The following ANO5 variants were observed in gnomAD, a reference collection of about 807,000 sequenced individuals.
ANO5 encodes anoctamin-5.
A neutral mutation model predicts 121.0 loss-of-function variants in ANO5; 109 were observed. The observed-to-expected ratio is 0.90, with a 90% CI of 0.77 to 1.06. The LOEUF is 1.06. Among genes scored for constraint, ANO5 ranks in the 50% least tolerant of loss-of-function variants. ANO5 has a pLI of 0.00. For synonymous variants in ANO5, 406 were observed against 359.9 expected (o/e 1.13, Z -1.45); for missense variants, 1,064 against 1,078.5 (o/e 0.99, Z 0.19).
At chr11:22,192,981 C>T (rs1037294187), upstream of ANO5, 1 of 985,018 alleles carries the variant, frequency 1.0e-6, no homozygotes, top group African/African-American at 1.7e-5. Context: ...ATGGCGGTCT[C>T]CGAGGGTGGG....
chr11:22,250,315 A>G lies in ANO5; in HGVS notation c.957A>G (p.Val319=), dbSNP rs1205470008. 1 of 1,613,110 alleles carries G rather than the reference A, an allele frequency of 6.2e-7. No individual in the cohort carries two copies. The highest frequency in any genetic ancestry group is 2.2e-5 in the East Asian group (1 of 44,768). ...CAGAAATGCTATTCTTTGCAGCTGT[A>G]GTTGGCTTAGCTTGTTTTATTTATG... ...FYTEMLFFAA[V]VGLACFIYGL... Residue 319 remains valine (V), a synonymous_variant, in exon 10 of 22, where the codon GTA becomes GTG. Coordinates refer to ENST00000324559, the MANE Select transcript of ANO5 (RefSeq NM_213599.3).
chr11:22,243,057 T>C (rs943221976), intron 9 of ANO5, among the ~76,000 whole-genome samples: 12 of 152,110 alleles, frequency 7.9e-5, no homozygotes, highest in Admixed American at 7.2e-4. Context: ...TGGCTCTTAT[T>C]ATTTTGAGGT....
At chr11:22,271,138 C>T (rs1334813054) in intron 18 of ANO5, among the ~76,000 whole-genome samples, 2 of 152,146 alleles carry the variant, frequency 1.3e-5, no homozygotes, top group African/African-American at 2.4e-5. Context: ...CTGCAGCCTC[C>T]GCCTGCTGGG....
At chr11:22,269,553 G>GA (rs913310543) in intron 17 of ANO5, among the ~76,000 whole-genome samples, 1 of 134,398 alleles carries the variant, frequency 7.4e-6, no homozygotes, top group Non-Finnish European at 1.6e-5. Context: ...AGGAAGGAAA[G>GA]AAAAAAAGAA....
intron 21 of ANO5, among the ~76,000 whole-genome samples, chr11:22,276,671 T>C (rs1854864403): frequency 6.6e-6 from 1 of 150,692 alleles, no homozygotes; most frequent in Non-Finnish European, 1.5e-5. Flanking sequence ...CCCAAGCTTA[T>C]GCTCTGTCTA....
chr11:22,203,132 A>C (rs545664269), intron 1 of ANO5, among the ~76,000 whole-genome samples: 12 of 152,264 alleles, frequency 7.9e-5, no homozygotes, highest in South Asian at 4.1e-4. Flanking sequence ...TTAAAGTGCT[A>C]ACATTTTATG....
rs1179132597 is a variant in ANO5 at position 22,250,242 on chromosome 11, A to G, written c.884A>G (p.Tyr295Cys). The stretch of plus-strand genomic sequence containing the variant: ...GTTTTTACTCTTTTTCACAGGAATT[A>G]TTATGGAGAAAAAATTGGTATCTAT... ...KEQPLDLIKN[Y>C]YGEKIGIYFV... Residue 295 changes from tyrosine (Y) to cysteine (C), a missense_variant, in exon 10 of 22, where the codon TAT (tyrosine) becomes TGT (cysteine). Transcript: ENST00000324559. 1 of 1,581,060 alleles carries G rather than the reference A, an allele frequency of 6.3e-7. No individual in the cohort carries two copies. The highest frequency in any genetic ancestry group is 2.2e-5 in the East Asian group (1 of 44,596).
chr11:22,240,531 G>GA (rs1853394558), intron 9 of ANO5, among the ~76,000 whole-genome samples: 1 of 152,036 alleles, frequency 6.6e-6, no homozygotes, highest in Non-Finnish European at 1.5e-5. Context: ...ACACATTTTG[G>GA]AAAATTAATG....
At chr11:22,221,935 G>C (rs1205965759) in intron 5 of ANO5, among the ~76,000 whole-genome samples, 1 of 151,822 alleles carries the variant, frequency 6.6e-6, no homozygotes, top group African/African-American at 2.4e-5. Flanking sequence ...ACATATACAG[G>C]TCTGTCCCTT....
intron 17 of ANO5, among the ~76,000 whole-genome samples, chr11:22,263,801 C>T (rs1229309114): frequency 6.6e-6 from 1 of 152,088 alleles, no homozygotes; most frequent in East Asian, 1.9e-4. Flanking sequence ...CACTTGAAGC[C>T]AGAGACTGGG....
intron 17 of ANO5, among the ~76,000 whole-genome samples, chr11:22,263,967 C>T (rs1226078221): frequency 2.0e-5 from 3 of 151,878 alleles, no homozygotes; most frequent in Non-Finnish European, 4.4e-5. Flanking sequence ...TAAATGTAAG[C>T]CTAGCCTTCT....
chr11:22,264,960 G>T (rs1272954814), intron 17 of ANO5, among the ~76,000 whole-genome samples: 3 of 152,024 alleles, frequency 2.0e-5, no homozygotes, highest in Non-Finnish European at 4.4e-5. Flanking sequence ...TAAAATAAGG[G>T]TATGTTAGAT....
At chr11:22,241,296 A>G (rs1853423320) in intron 9 of ANO5, among the ~76,000 whole-genome samples, 1 of 11,712 alleles carries the variant, frequency 8.5e-5, no homozygotes, top group African/African-American at 9.0e-4. Context: ...CTCCACCATT[A>G]ATGGTCACCC....
chr11:22,269,340 AAAAGG>A (rs886142100), intron 17 of ANO5, among the ~76,000 whole-genome samples: 1 of 131,012 alleles, frequency 7.6e-6, no homozygotes, highest in African/African-American at 3.1e-5. Context: ...AAAGAGAAGG[AAAAGG>A]GAAGGGAAGG....
Position 22,227,575 on chromosome 11 carries a change from A to G in ANO5, c.637A>G (p.Arg213Gly), listed in dbSNP as rs1490746741. ...DQATFFPSSS[R>G]NRIVYYILSR... is the part of the protein sequence containing the mutation. ...GGCAACCTTCTTTCCATCCTCATCA[A>G]GAAACAGAATTGTAGGTAGAGAAGA... The change falls in exon 7 of 22, where the codon AGA becomes GGA. Residue 213 changes from arginine (R) to glycine (G), a missense_variant. Transcript: ENST00000324559. 2 of 1,613,306 alleles carry G rather than the reference A, an allele frequency of 1.2e-6. No homozygotes were observed. Among genetic ancestry groups the G allele is most frequent in the Admixed American group, 3.3e-5 (2 of 59,850 alleles).
chr11:22,226,276 C>A (rs1017584540), intron 6 of ANO5, among the ~76,000 whole-genome samples: 1 of 152,024 alleles, frequency 6.6e-6, no homozygotes, highest in Non-Finnish European at 1.5e-5. Context: ...ACACAGTTTG[C>A]ATTCAGGATA....
At chr11:22,239,793 C>A in intron 9 of ANO5, 109 bp downstream of exon 9, 2 of 823,852 alleles carry the variant, frequency 2.4e-6, no homozygotes, top group African/African-American at 1.7e-5. Context: ...CATTTCACAA[C>A]TTCTTGATTT....
intron 2 of ANO5, among the ~76,000 whole-genome samples, chr11:22,205,584 A>G (rs1418042117): frequency 6.6e-6 from 1 of 151,894 alleles, no homozygotes; most frequent in East Asian, 1.9e-4. Flanking sequence ...AATAAAAGGA[A>G]AGTAGAGCAA....
At position 22,193,104 on chromosome 11, in the gene ANO5, A is replaced by T. The variant is rs1851697198; in HGVS notation, c.-389A>T. ...AGGAGTGGAAAGGATCCTGGCGAGC[A>T]CCGGGAGGAGTGGCGGCTGCGGGAT... On this transcript the variant is annotated 5_prime_UTR_variant, in exon 1 of 22. Transcript: ENST00000324559. 1.8e-6 allele frequency: 2 copies of T among 1,108,442 alleles called. No individual in the cohort carries two copies. Among genetic ancestry groups the T allele is most frequent in the South Asian group, 4.7e-5 (2 of 42,372 alleles). 68.7% of individuals were successfully genotyped at this position (1,108,442 alleles called of 1,614,324 possible).
Sources: allele counts gnomAD v4.1 joint callset (sites outside exome capture counted in the v4.1 genomes callset), GRCh38; gene constraint gnomAD v4.1.1; transcripts MANE v1.5; gene names NCBI Gene and HGNC (gene_info 2026-07-23, HGNC 2026-07-21).